The following RHPN2 variants were observed in gnomAD, a reference collection of about 807,000 sequenced individuals.
RHPN2 encodes the protein rhophilin Rho GTPase binding protein 2.
Under a neutral mutation model 79.0 loss-of-function variants are expected in RHPN2, and 40 were observed. That is an observed-to-expected ratio of 0.51 (90% CI 0.39 to 0.66). RHPN2 has a LOEUF of 0.66. RHPN2 is among the 30% of genes least tolerant of loss of function. The probability of loss-of-function intolerance (pLI) is 0.00; values close to 1 mark genes in which losing one functional copy is unlikely to be tolerated. For synonymous variants in RHPN2, 285 were observed against 363.5 expected (o/e 0.78, Z 2.46); for missense variants, 686 against 883.5 (o/e 0.78, Z 2.83).
intron 4 of RHPN2, among the ~76,000 whole-genome samples, chr19:33,013,091 G>C (rs1169746761): frequency 6.6e-6 from 1 of 151,680 alleles, no homozygotes; most frequent in African/African-American, 2.4e-5. Flanking sequence ...GGTCAGGCTG[G>C]TCTCAAACTT....
intron 2 of RHPN2, among the ~76,000 whole-genome samples, chr19:33,036,494 C>G (rs1202155723): frequency 1.3e-5 from 2 of 152,194 alleles, no homozygotes; most frequent in African/African-American, 4.8e-5. Flanking sequence ...TCACAGCCCT[C>G]GCTTGCTCTT....
intron 3 of RHPN2, among the ~76,000 whole-genome samples, chr19:33,024,530 C>A (rs1431021902): frequency 1.3e-5 from 2 of 152,134 alleles, no homozygotes; most frequent in East Asian, 3.9e-4. Context: ...CGAGGTTTCA[C>A]ACACTGACGC....
chr19:33,022,251 T>G (rs1256684812), intron 3 of RHPN2, among the ~76,000 whole-genome samples: 4 of 152,124 alleles, frequency 2.6e-5, no homozygotes, highest in Non-Finnish European at 4.4e-5. Flanking sequence ...CCCAGCTCAG[T>G]CTCAATGCTT....
At chr19:33,003,779 A>G (rs528592278) in intron 7 of RHPN2, among the ~76,000 whole-genome samples, 1 of 152,332 alleles carries the variant, frequency 6.6e-6, no homozygotes, top group South Asian at 2.1e-4. Flanking sequence ...AGTCAAATTC[A>G]CAGAAATAGA....
rs79474011 is a variant in RHPN2, at chr19:33,043,682, G to T, written c.185+567C>A. Among the ~76,000 whole-genome samples, 315 of 152,284 alleles carry T rather than the reference G, an allele frequency of 2.1e-3. 1 individual carries two copies. Among genetic ancestry groups the T allele is most frequent in the African/African-American group, 7.3e-3 (305 of 41,564 alleles). ...CTTTTGTTGCATTTCGTTGCCTGGAGAGGGTTTATAGAGGTCTAGACACAG... is the reference window on the plus strand; with the variant it reads ...CTTTTGTTGCATTTCGTTGCCTGGATAGGGTTTATAGAGGTCTAGACACAG... On this transcript the variant is annotated intron_variant, in intron 2 of 14. Coordinates refer to ENST00000254260, the MANE Select transcript of RHPN2 (RefSeq NM_033103.5).
intron 14 of RHPN2, among the ~76,000 whole-genome samples, chr19:32,989,635 GA>G (rs1476640654): frequency 6.6e-6 from 1 of 152,056 alleles, no homozygotes; most frequent in African/African-American, 2.4e-5. Context: ...AATTTGATCA[GA>G]AAAATAGATC....
In RHPN2 at chr19:32,979,974, T is replaced by C. The variant is rs1971560190; in HGVS notation, c.*22A>G. 1 of 1,613,542 alleles carries C rather than the reference T, an allele frequency of 6.2e-7. No homozygotes were observed. The highest frequency in any genetic ancestry group is 1.7e-5 in the Admixed American group (1 of 59,982). On this transcript the variant is annotated 3_prime_UTR_variant, in exon 15 of 15. Coordinates refer to ENST00000254260, the MANE Select transcript of RHPN2 (RefSeq NM_033103.5). ...GTCAGCACCGGAAATGTTCAGGGCC[T>C]GAACATGTTTGTTTCCTCACATTAG... is the stretch of plus-strand genomic sequence containing the variant.
At chr19:33,055,406 A>C (rs767320937) in intron 1 of RHPN2, among the ~76,000 whole-genome samples, 40 of 151,396 alleles carry the variant, frequency 2.6e-4, no homozygotes, top group Middle Eastern at 3.5e-3. Flanking sequence ...GGGAATCAGG[A>C]GTGGGGTCAG....
chr19:32,988,211 AC>A (rs1425694592), intron 14 of RHPN2, among the ~76,000 whole-genome samples: 1 of 143,388 alleles, frequency 7.0e-6, no homozygotes, highest in East Asian at 2.0e-4. Context: ...AACAACAACA[AC>A]AAAAAAAAAA....
intron 6 of RHPN2, among the ~76,000 whole-genome samples, chr19:33,010,479 T>C (rs1266251480): frequency 3.5e-5 from 5 of 142,926 alleles, no homozygotes; most frequent in African/African-American, 1.1e-4. Context: ...GCCTCCCGGG[T>C]TCAGGCGATT....
intron 7 of RHPN2, among the ~76,000 whole-genome samples, chr19:33,004,479 A>G (rs1405909967): frequency 6.6e-6 from 1 of 152,312 alleles, no homozygotes; most frequent in African/African-American, 2.4e-5. Flanking sequence ...GGATAATTTT[A>G]AAATTTTTAA....
chr19:33,032,922 T>C (rs1298676865), intron 2 of RHPN2, among the ~76,000 whole-genome samples: 2 of 152,190 alleles, frequency 1.3e-5, no homozygotes, highest in East Asian at 1.9e-4. Context: ...CTTTGTGGCA[T>C]GCACTAGCCT....
chr19:33,016,788 G>GT (rs1257283138), intron 4 of RHPN2, among the ~76,000 whole-genome samples: 1 of 152,136 alleles, frequency 6.6e-6, no homozygotes, highest in Admixed American at 6.6e-5. Context: ...TGGAACTGCC[G>GT]TAATTCAGTC....
chr19:33,019,133 A>G (rs554807212), intron 4 of RHPN2, among the ~76,000 whole-genome samples: 37 of 152,218 alleles, frequency 2.4e-4, no homozygotes, highest in Middle Eastern at 3.4e-3. Flanking sequence ...AGATGAGCCA[A>G]TTAAGAGGAT....
intron 2 of RHPN2, among the ~76,000 whole-genome samples, chr19:33,029,536 A>AG (rs1453330063): frequency 6.6e-6 from 1 of 151,888 alleles, no homozygotes; most frequent in Non-Finnish European, 1.5e-5. Flanking sequence ...AGAAAAAAAA[A>AG]AAAAAAAAAG....
chr19:33,013,179 GT>G (rs71176183), intron 4 of RHPN2, among the ~76,000 whole-genome samples: 36,616 of 143,818 alleles, frequency 0.25, 4,905 homozygotes, highest in South Asian at 0.36. Context: ...CCCGGCCATA[GT>G]TTTTTTTTAA....
chr19:32,992,030 A>G lies in RHPN2; in HGVS notation c.1498-61T>C, dbSNP rs1971664617. ...AGGCTGGATCAGACGCTTGAAAGCT[A>G]AAGGGAATTTTGCCTGCTGTCCTTG... On this transcript the variant is annotated intron_variant, in intron 12 of 14. Coordinates refer to ENST00000254260, the MANE Select transcript of RHPN2 (RefSeq NM_033103.5). 2.5e-6 allele frequency: 4 copies of G among 1,603,872 alleles called. No individual in the cohort carries two copies. The East Asian group carries it at 6.7e-5, about 27-fold the overall frequency.
intron 12 of RHPN2, among the ~76,000 whole-genome samples, chr19:32,993,082 T>TG (rs1971673828): frequency 6.6e-6 from 1 of 151,952 alleles, no homozygotes; most frequent in Admixed American, 6.6e-5. Flanking sequence ...CATGCCGCTG[T>TG]AATCCAGCCT....
At chr19:33,038,840 T>C (rs1170675093) in intron 2 of RHPN2, among the ~76,000 whole-genome samples, 1 of 152,128 alleles carries the variant, frequency 6.6e-6, no homozygotes, top group African/African-American at 2.4e-5. Context: ...GTATTTTTAG[T>C]AGAGACAAGG....
Sources: allele counts gnomAD v4.1 joint callset (sites outside exome capture counted in the v4.1 genomes callset), GRCh38; gene constraint gnomAD v4.1.1; transcripts MANE v1.5; gene names NCBI Gene and HGNC (gene_info 2026-07-23, HGNC 2026-07-21).